The following SLC71A2 variants were observed in gnomAD, a reference collection of about 807,000 sequenced individuals.
The protein encoded by SLC71A2 is solute carrier family 71 member 2, also known as hippocampus abundant transcript-like 1.
the SLC71A2 span, among the ~76,000 whole-genome samples, chr9:94,383,161 C>CT: frequency 0.19 from 19,919 of 105,188 alleles, 2,951 homozygotes; most frequent in African/African-American, 0.28. Context: ...GCTTTTACAT[C>CT]TTTTTTTTTT....
chr9:94,436,377 T>C, the SLC71A2 span, among the ~76,000 whole-genome samples: 2 of 152,204 alleles, frequency 1.3e-5, no homozygotes, highest in Admixed American at 6.5e-5. Context: ...AAGCCTACGA[T>C]TGCAAAAACT....
chr9:94,424,867 G>A, the SLC71A2 span, among the ~76,000 whole-genome samples: 1 of 145,866 alleles, frequency 6.9e-6, no homozygotes, highest in Non-Finnish European at 1.5e-5. Context: ...GACCTCCTGA[G>A]TAGCTGGGAC....
At chr9:94,397,282 C>CA in the SLC71A2 span, among the ~76,000 whole-genome samples, 1 of 152,104 alleles carries the variant, frequency 6.6e-6, no homozygotes, top group East Asian at 1.9e-4. Flanking sequence ...GTACATTTGT[C>CA]AAAATTAATG....
At chr9:94,429,179 C>T in the SLC71A2 span, 3 of 1,605,156 alleles carry the variant, frequency 1.9e-6, no homozygotes, top group African/African-American at 1.3e-5. Context: ...TGTTTGTTTG[C>T]TTTTTGTAGG....
At chr9:94,386,947 A>G in the SLC71A2 span, among the ~76,000 whole-genome samples, 1 of 151,800 alleles carries the variant, frequency 6.6e-6, no homozygotes, top group African/African-American at 2.4e-5. Context: ...TCTACTATCC[A>G]TTTATATTAA....
At chr9:94,453,433 C>T in the SLC71A2 span, among the ~76,000 whole-genome samples, 6 of 152,308 alleles carry the variant, frequency 3.9e-5, no homozygotes, top group South Asian at 8.3e-4. Flanking sequence ...CAGGCATGAG[C>T]CACCACACCC....
the SLC71A2 span, among the ~76,000 whole-genome samples, chr9:94,394,434 A>G: frequency 9.9e-6 from 1 of 100,542 alleles, no homozygotes; most frequent in Non-Finnish European, 2.6e-5. Flanking sequence ...TTTATGTAAA[A>G]ACTTTCAGAT....
the SLC71A2 span, among the ~76,000 whole-genome samples, chr9:94,383,159 A>ATCT: frequency 5.4e-5 from 5 of 91,756 alleles, no homozygotes; most frequent in Admixed American, 4.1e-4. Context: ...TAGCTTTTAC[A>ATCT]TCTTTTTTTT....
chr9:94,455,156 C>CTTTTTTT, the SLC71A2 span, among the ~76,000 whole-genome samples: 29 of 27,684 alleles, frequency 1.0e-3, 3 homozygotes, highest in Middle Eastern at 0.036. Flanking sequence ...TTGCTCTTTC[C>CTTTTTTT]TTTTTTTTTT....
At chr9:94,450,498 T>TTTTTTC in the SLC71A2 span, among the ~76,000 whole-genome samples, 1 of 136,426 alleles carries the variant, frequency 7.3e-6, no homozygotes, top group Non-Finnish European at 1.6e-5. Flanking sequence ...TGTAACTTTT[T>TTTTTTC]TTTTTTTTTG....
the SLC71A2 span, chr9:94,458,206 CT>C: frequency 1.2e-6 from 1 of 869,370 alleles, no homozygotes; most frequent in East Asian, 2.8e-5. Flanking sequence ...CATGCTTTCT[CT>C]TTTCCTCAGT....
the SLC71A2 span, among the ~76,000 whole-genome samples, chr9:94,454,673 A>C: frequency 6.6e-6 from 1 of 152,086 alleles, no homozygotes; most frequent in Non-Finnish European, 1.5e-5. Context: ...CACATATGCT[A>C]ATTTTTAGAG....
chr9:94,431,316 A>C, the SLC71A2 span, among the ~76,000 whole-genome samples: 1 of 151,936 alleles, frequency 6.6e-6, no homozygotes, highest in Non-Finnish European at 1.5e-5. Flanking sequence ...CCGTCTCAAA[A>C]AAAAAAAAAA....
chr9:94,401,366 G>A, the SLC71A2 span, among the ~76,000 whole-genome samples: 6 of 152,092 alleles, frequency 3.9e-5, no homozygotes, highest in Admixed American at 2.6e-4. Context: ...TAGAGATGGG[G>A]TTTCACCGTG....
At chr9:94,421,857 C>G in the SLC71A2 span, among the ~76,000 whole-genome samples, 1 of 152,114 alleles carries the variant, frequency 6.6e-6, no homozygotes, top group Admixed American at 6.6e-5. Flanking sequence ...GACTCCTAGG[C>G]TTTTGTGAGC....
chr9:94,397,932 C>T, the SLC71A2 span, among the ~76,000 whole-genome samples: 13 of 152,080 alleles, frequency 8.5e-5, no homozygotes, highest in Non-Finnish European at 1.8e-4. Flanking sequence ...CTCTTTTACC[C>T]GTTTCTATAC....
the SLC71A2 span, among the ~76,000 whole-genome samples, chr9:94,457,107 G>A: frequency 1.3e-5 from 2 of 152,166 alleles, no homozygotes; most frequent in African/African-American, 4.8e-5. Flanking sequence ...AGGGACTAGA[G>A]ACGCACACTA....
chr9:94,414,977 A>C, the SLC71A2 span, among the ~76,000 whole-genome samples: 1 of 152,146 alleles, frequency 6.6e-6, no homozygotes, highest in Non-Finnish European at 1.5e-5. Context: ...TAATCTTAGC[A>C]CCTTCCCTTA....
At chr9:94,404,349 G>GC in the SLC71A2 span, among the ~76,000 whole-genome samples, 2 of 151,992 alleles carry the variant, frequency 1.3e-5, no homozygotes, top group East Asian at 3.9e-4. Flanking sequence ...AGGCAGGAAT[G>GC]CAGTGGTGCA....
Sources: gnomAD v4.1 joint callset for allele counts (sites outside exome capture counted in the v4.1 genomes callset) on GRCh38, gnomAD v4.1.1 for gene constraint, MANE v1.5 for transcripts, NCBI Gene and HGNC (gene_info 2026-07-23, HGNC 2026-07-21) for gene names.